Variants in CCNH observed in about 807,000 individuals in gnomAD.
The protein encoded by CCNH is cyclin H.
CCNH carries 31 observed loss-of-function variants against 41.9 expected under a neutral mutation model. The observed-to-expected ratio is 0.74, with a 90% CI of 0.56 to 1.00. CCNH has a LOEUF of 1.00. CCNH is among the 50% of genes least tolerant of loss of function. The pLI is 0.00. For synonymous variants in CCNH, 138 were observed against 136.1 expected (o/e 1.01, Z -0.10); for missense variants, 362 against 388.4 (o/e 0.93, Z 0.57).
At chr5:87,328,997 G>T (rs557072966) in intron 9 of CCNH, among the ~76,000 whole-genome samples, 3 of 152,210 alleles carry the variant, frequency 2.0e-5, no homozygotes, top group South Asian at 4.1e-4. Context: ...TCATAATCAA[G>T]AATTGACATG....
chr5:87,401,993 T>C (rs1165113890), intron 5 of CCNH, among the ~76,000 whole-genome samples: 1 of 152,234 alleles, frequency 6.6e-6, no homozygotes, highest in Non-Finnish European at 1.5e-5. Flanking sequence ...GTACAACCTT[T>C]CAGAGGGAAA....
chr5:87,332,449 G>T, intron 9 of CCNH: 1 of 1,507,670 alleles, frequency 6.6e-7, no homozygotes, highest in South Asian at 1.2e-5. Context: ...TATAAAACTT[G>T]ATTTTTAAAA....
In CCNH at chr5:87,338,536, A is replaced by ATATTTT; in HGVS notation, c.*91-19640_*91-19639insAAAATA. 1.2e-3 allele frequency among the ~76,000 whole-genome samples: 100 copies of ATATTTT among 85,208 alleles called. 2 individuals are homozygous for ATATTTT. The highest frequency in any genetic ancestry group is 7.5e-3 in the Middle Eastern group (1 of 134). The allele number at this position is 85,208 out of a possible 152,430, so 55.9% of individuals were successfully genotyped here. A position where few individuals can be genotyped will look rare whatever the true frequency, so the allele number is the denominator to read the frequency against. ...ATATATATATATATATATATATAAA[A>ATATTTT]TTTTTTTTTTTTTTAAGTAGAAATG... is the stretch of plus-strand genomic sequence containing the variant. On this transcript the variant is annotated intron_variant and NMD_transcript_variant, in intron 9 of 9. Coordinates refer to the CCNH transcript ENST00000645953.
rs559249101 is a variant in CCNH, at chr5:87,344,177, A to G, written c.*91-25280T>C. On this transcript the variant is annotated intron_variant and NMD_transcript_variant, in intron 9 of 9. Transcript: ENST00000645953. ...CTGGATATTTAAAAATAACTAAAAG[A>G]GTGGAATTTGAATATGCCTAATACA... is the stretch of plus-strand genomic sequence containing the variant. 3.3e-5 allele frequency among the ~76,000 whole-genome samples: 5 copies of G among 152,204 alleles called. No homozygotes were observed. The South Asian group carries it at 1.0e-3, about 32-fold the overall frequency.
At chr5:87,361,990 T>A (rs1760135675) in intron 9 of CCNH, among the ~76,000 whole-genome samples, 1 of 152,152 alleles carries the variant, frequency 6.6e-6, no homozygotes, top group Non-Finnish European at 1.5e-5. Context: ...TCTGAAATCA[T>A]GGTTATAACA....
downstream of CCNH, chr5:87,374,096 C>CT (rs1305200600): frequency 1.6e-6 from 2 of 1,228,406 alleles, no homozygotes; most frequent in Non-Finnish European, 2.1e-6. Context: ...AGAGTAATTG[C>CT]TTTTGAAATG....
At chr5:87,388,248 T>C (rs1762204483), downstream of CCNH, among the ~76,000 whole-genome samples, 1 of 152,218 alleles carries the variant, frequency 6.6e-6, no homozygotes. Context: ...TGAGTAACTG[T>C]GTTTCTCTGT....
At chr5:87,346,672 A>G in intron 9 of CCNH, 1 of 1,539,126 alleles carries the variant, frequency 6.5e-7, no homozygotes, top group Non-Finnish European at 9.0e-7. Context: ...TCTTTTTAAG[A>G]TGGTTCCATG....
intron 9 of CCNH, among the ~76,000 whole-genome samples, chr5:87,368,926 G>A (rs1207358772): frequency 2.6e-5 from 4 of 152,136 alleles, no homozygotes; most frequent in Non-Finnish European, 5.9e-5. Context: ...TATCCAACTA[G>A]GGTGGTTAGT....
chr5:87,347,298 ATTAATT>A (rs1360871102), intron 9 of CCNH, among the ~76,000 whole-genome samples: 3 of 152,006 alleles, frequency 2.0e-5, no homozygotes, highest in African/African-American at 7.2e-5. Context: ...TTTAGTATGT[ATTAATT>A]TTAACATTTC....
At chr5:87,344,825 C>CT (rs1217075495) in intron 9 of CCNH, among the ~76,000 whole-genome samples, 1 of 150,530 alleles carries the variant, frequency 6.6e-6, no homozygotes, top group Admixed American at 6.7e-5. Flanking sequence ...AGCTATTTTT[C>CT]TTTATACCTT....
chr5:87,409,137 A>G (rs1326079119), intron 3 of CCNH, 153 bp downstream of exon 3: 4 of 388,784 alleles, frequency 1.0e-5, no homozygotes, highest in Non-Finnish European at 1.4e-5. Context: ...GTTCTGAATA[A>G]AAAAAAAAAA....
chr5:87,391,133 G>T, downstream of CCNH: 1 of 586,108 alleles, frequency 1.7e-6, no homozygotes, highest in Non-Finnish European at 3.1e-6. Flanking sequence ...GAGCCTTGGT[G>T]TACAGACCAC....
intron 9 of CCNH, among the ~76,000 whole-genome samples, chr5:87,327,030 C>T (rs1452930130): frequency 6.6e-6 from 1 of 152,144 alleles, no homozygotes; most frequent in Non-Finnish European, 1.5e-5. Context: ...ATTAATCAGT[C>T]CCATATCCTT....
chr5:87,344,745 CTGGCCTCAAGTGATCCTCCCACCT>C (rs1289255738), intron 9 of CCNH, among the ~76,000 whole-genome samples: 2 of 150,928 alleles, frequency 1.3e-5, no homozygotes, highest in Non-Finnish European at 2.9e-5. Context: ...TCTCAAACGC[CTGGCCTCAAGTGATCCTCCCACCT>C]TGGCCTTCCA....
chr5:87,324,199 A>AT (rs1488189266), intron 9 of CCNH, among the ~76,000 whole-genome samples: 1 of 152,176 alleles, frequency 6.6e-6, no homozygotes, highest in Non-Finnish European at 1.5e-5. Flanking sequence ...TGTTTTGAGG[A>AT]TTTAAAGAAC....
intron 9 of CCNH, among the ~76,000 whole-genome samples, chr5:87,359,918 T>C (rs1759943442): frequency 6.6e-6 from 1 of 152,186 alleles, no homozygotes; most frequent in East Asian, 1.9e-4. Flanking sequence ...CAACTAACAG[T>C]TCTTCACCCT....
At chr5:87,312,772 A>G in the CCNH span, among the ~76,000 whole-genome samples, 5 of 152,218 alleles carry the variant, frequency 3.3e-5, no homozygotes, top group African/African-American at 1.2e-4. Flanking sequence ...TCTTATACAC[A>G]GGCTCCTCAG....
upstream of CCNH, among the ~76,000 whole-genome samples, chr5:87,381,949 A>G (rs1356553263): frequency 1.3e-5 from 2 of 152,150 alleles, no homozygotes; most frequent in Middle Eastern, 3.2e-3. Context: ...CCAAAATTAA[A>G]GACTTAATTG....
Sources: allele counts gnomAD v4.1 joint callset (sites outside exome capture counted in the v4.1 genomes callset), GRCh38; gene constraint gnomAD v4.1.1; transcripts MANE v1.5; gene names NCBI Gene and HGNC (gene_info 2026-07-23, HGNC 2026-07-21).